The following DAB1 variants were observed in gnomAD, a reference collection of about 807,000 sequenced individuals.
DAB1 encodes DAB adaptor protein 1.
In DAB1, 15 loss-of-function variants were observed where a neutral mutation model predicts 64.6. The ratio of observed to expected loss-of-function variants is 0.23; its 90% CI spans 0.16 to 0.36. The LOEUF (loss-of-function observed/expected upper bound fraction) is 0.36, where lower values mean the gene tolerates loss of function less well. Ranked by LOEUF, DAB1 falls within the 10% of genes least tolerant of loss-of-function variation. DAB1 has a pLI of 1.00. For synonymous variants in DAB1, 235 were observed against 251.9 expected (o/e 0.93, Z 0.64); for missense variants, 596 against 706.7 (o/e 0.84, Z 1.78).
intron 3 of DAB1, among the ~76,000 whole-genome samples, chr1:58,351,486 G>T (rs1423939833): frequency 6.6e-6 from 1 of 152,038 alleles, no homozygotes; most frequent in Non-Finnish European, 1.5e-5. Flanking sequence ...GAGTGAAGGA[G>T]GTGGAAGGAG....
At chr1:58,099,944 G>A (rs1376729310) in intron 5 of DAB1, among the ~76,000 whole-genome samples, 3 of 152,092 alleles carry the variant, frequency 2.0e-5, no homozygotes, top group African/African-American at 7.2e-5. Context: ...CAGCCATGTG[G>A]CTTGCTTCTT....
At chr1:57,239,812 A>G (rs2100469918) in intron 2 of DAB1, among the ~76,000 whole-genome samples, 1 of 152,314 alleles carries the variant, frequency 6.6e-6, no homozygotes, top group Admixed American at 6.5e-5. Flanking sequence ...CTGACTCTCA[A>G]AGACTTTTAC....
At chr1:57,650,463 A>AT (rs1646243315) in intron 6 of DAB1, among the ~76,000 whole-genome samples, 2 of 54,938 alleles carry the variant, frequency 3.6e-5, no homozygotes, top group Non-Finnish European at 1.0e-4. Flanking sequence ...AAATAGAGGA[A>AT]TAAAAAAAAT....
At position 57,654,272 on chromosome 1, in the gene DAB1, G is replaced by A. The variant is rs1035942411; in HGVS notation, n.552-4607C>T. Among the ~76,000 whole-genome samples the A allele has an allele frequency of 6.6e-5, 10 of 152,150 alleles. 1 individual carries two copies. The highest frequency in any genetic ancestry group is 1.0e-4 in the Non-Finnish European group (7 of 68,024). Reference sequence around the variant, plus strand: ...CACCTAGTATGTCAGATGGTCACATGTGCCATGGAAAAACTGGAAGCAGAA... The same window carrying A: ...CACCTAGTATGTCAGATGGTCACATATGCCATGGAAAAACTGGAAGCAGAA... On this transcript the variant is annotated intron_variant and non_coding_transcript_variant, in intron 6 of 20. Coordinates refer to the DAB1 transcript ENST00000485760.
At chr1:57,133,326 G>C (rs1193917986) in intron 4 of DAB1, among the ~76,000 whole-genome samples, 1 of 152,162 alleles carries the variant, frequency 6.6e-6, no homozygotes, top group Non-Finnish European at 1.5e-5. Flanking sequence ...TGAATGGAGA[G>C]AGAATAGAGT....
At chr1:57,501,498 A>T (rs1011257121) in intron 7 of DAB1, among the ~76,000 whole-genome samples, 9 of 152,180 alleles carry the variant, frequency 5.9e-5, no homozygotes, top group Admixed American at 5.9e-4. Context: ...TGGATGATAC[A>T]CCCAAAGGAT....
At chr1:57,773,140 A>T (rs1649635390) in intron 6 of DAB1, among the ~76,000 whole-genome samples, 1 of 152,060 alleles carries the variant, frequency 6.6e-6, no homozygotes, top group African/African-American at 2.4e-5. Context: ...TACCCTGCAG[A>T]TCTGTGTGAG....
At chr1:57,283,387 T>C (rs1039432527) in intron 2 of DAB1, among the ~76,000 whole-genome samples, 6 of 152,176 alleles carry the variant, frequency 3.9e-5, no homozygotes, top group Admixed American at 1.3e-4. Context: ...CTATATTTCC[T>C]ATACCACTAG....
At chr1:57,575,517 A>T (rs1645239897) in intron 7 of DAB1, among the ~76,000 whole-genome samples, 2 of 152,238 alleles carry the variant, frequency 1.3e-5, no homozygotes, top group Admixed American at 1.3e-4. Context: ...AATTGGAGTC[A>T]CATGATGTAG....
chr1:58,338,209 G>A lies in DAB1; in HGVS notation n.309+5143C>T, dbSNP rs1663168720. Among the ~76,000 whole-genome samples the A allele has an allele frequency of 2.0e-5, 3 of 152,258 alleles. No homozygotes were observed. The South Asian group carries it at 6.2e-4, about 32-fold the overall frequency. ...AAAGCTGTTTCCTGGGGGCAGAGAG[G>A]ACTTTTCTCAGCTGCGTGAGAGGCA... On this transcript the variant is annotated intron_variant and non_coding_transcript_variant, in intron 4 of 20. Transcript: ENST00000485760.
chr1:57,358,072 T>C (rs1036460911), intron 1 of DAB1, among the ~76,000 whole-genome samples: 2 of 152,070 alleles, frequency 1.3e-5, no homozygotes, highest in Non-Finnish European at 2.9e-5. Context: ...GTTTTCTATA[T>C]ATAAGATCAT....
chr1:57,849,521 G>T (rs1367734717), intron 1 of DAB1, among the ~76,000 whole-genome samples: 2 of 152,192 alleles, frequency 1.3e-5, no homozygotes, highest in Non-Finnish European at 2.9e-5. Context: ...GCAGTTGAAG[G>T]CGTGATTCAC....
chr1:57,057,533 C>T (rs558595021), intron 9 of DAB1, among the ~76,000 whole-genome samples: 1 of 151,960 alleles, frequency 6.6e-6, no homozygotes, highest in South Asian at 2.1e-4. Context: ...ATTCACTGGG[C>T]CCAAATCCTT....
intron 5 of DAB1, among the ~76,000 whole-genome samples, chr1:57,936,923 GC>G (rs1274912117): frequency 2.6e-5 from 4 of 151,930 alleles, no homozygotes; most frequent in Admixed American, 2.6e-4. Context: ...AGCCACACTG[GC>G]CTCCTTTCTC....
intron 9 of DAB1, among the ~76,000 whole-genome samples, chr1:57,031,521 G>A (rs954925394): frequency 5.3e-5 from 8 of 152,176 alleles, no homozygotes; most frequent in South Asian, 2.1e-4. Flanking sequence ...CAGCATAGGC[G>A]CCATTGTCAC....
At chr1:57,617,736 G>A (rs1645805846) in intron 7 of DAB1, among the ~76,000 whole-genome samples, 1 of 152,132 alleles carries the variant, frequency 6.6e-6, no homozygotes, top group African/African-American at 2.4e-5. Flanking sequence ...GGAAAACAGA[G>A]AATCAGAGGT....
intron 1 of DAB1, among the ~76,000 whole-genome samples, chr1:57,401,101 G>A (rs138076884): frequency 9.9e-5 from 15 of 151,844 alleles, no homozygotes; most frequent in Non-Finnish European, 1.9e-4. Flanking sequence ...AATCAGATAA[G>A]TATAAAAGCA....
At chr1:58,483,041 C>T (rs1306315435) in intron 3 of DAB1, among the ~76,000 whole-genome samples, 2 of 152,224 alleles carry the variant, frequency 1.3e-5, no homozygotes, top group African/African-American at 4.8e-5. Context: ...TATTCTCCTA[C>T]TTTGAAGAAT....
chr1:57,452,937 G>GA (rs796444072), intron 7 of DAB1, among the ~76,000 whole-genome samples: 5 of 149,546 alleles, frequency 3.3e-5, no homozygotes, highest in African/African-American at 1.2e-4. Context: ...AAGGAAAAAA[G>GA]AAAAAAGGAA....
Sources: allele counts gnomAD v4.1 joint callset (sites outside exome capture counted in the v4.1 genomes callset), GRCh38; gene constraint gnomAD v4.1.1; transcripts MANE v1.5; gene names NCBI Gene and HGNC (gene_info 2026-07-23, HGNC 2026-07-21).